Variants in COL4A4 observed in about 807,000 individuals in gnomAD.
The protein encoded by COL4A4 is collagen type IV alpha 4 chain.
COL4A4 carries 105 observed loss-of-function variants against 192.9 expected under a neutral mutation model. That is an observed-to-expected ratio of 0.54 (90% CI 0.46 to 0.64). The LOEUF is 0.64. Ranked by LOEUF, COL4A4 falls within the 30% of genes least tolerant of loss-of-function variation. The pLI, the probability that COL4A4 is intolerant of heterozygous loss-of-function variation, is 0.00. For synonymous variants in COL4A4, 762 were observed against 769.9 expected, an observed-to-expected ratio of 0.99 and a Z score of 0.17; for missense variants, 1,967 against 2,169.3, an observed-to-expected ratio of 0.91 and a Z score of 1.85.
chr2:226,970,965 C>T, the COL4A4 span, among the ~76,000 whole-genome samples: 65,582 of 152,066 alleles, frequency 0.43, 14,236 homozygotes, highest in South Asian at 0.52. Context: ...CTATCTGTCC[C>T]ACAGATCCCG....
intron 2 of COL4A4, among the ~76,000 whole-genome samples, chr2:227,146,892 C>T (rs2063584455): frequency 6.6e-6 from 1 of 152,164 alleles, no homozygotes; most frequent in African/African-American, 2.4e-5. Context: ...TTATATTGGG[C>T]CCATCCAGAT....
chr2:226,999,827 C>G (rs1330638342), downstream of COL4A4, among the ~76,000 whole-genome samples: 1 of 152,204 alleles, frequency 6.6e-6, no homozygotes, highest in African/African-American at 2.4e-5. Context: ...GGATGCGAAA[C>G]TGGATCCCTT....
At chr2:227,096,234 G>A (rs1020724967) in intron 19 of COL4A4, among the ~76,000 whole-genome samples, 1 of 152,138 alleles carries the variant, frequency 6.6e-6, no homozygotes, top group Non-Finnish European at 1.5e-5. Context: ...CCTTAGTACA[G>A]AGCCCACCCA....
intron 44 of COL4A4, among the ~76,000 whole-genome samples, chr2:227,013,331 T>G (rs1297615817): frequency 6.6e-6 from 1 of 152,182 alleles, no homozygotes; most frequent in Non-Finnish European, 1.5e-5. Flanking sequence ...GGCTGATTTG[T>G]GTACCCCCAA....
intron 3 of COL4A4, among the ~76,000 whole-genome samples, chr2:227,141,938 A>G (rs777945982): frequency 6.6e-6 from 1 of 152,156 alleles, no homozygotes; most frequent in Non-Finnish European, 1.5e-5. Flanking sequence ...TATCAAAACA[A>G]CTAGAGGAAA....
chr2:227,044,343 A>T (rs1972015903), intron 35 of COL4A4, among the ~76,000 whole-genome samples: 1 of 152,224 alleles, frequency 6.6e-6, no homozygotes, highest in African/African-American at 2.4e-5. Flanking sequence ...TATGAGTTTA[A>T]TGCACGTTTA....
chr2:227,094,737 C>T (rs2060120552), intron 19 of COL4A4, among the ~76,000 whole-genome samples: 3 of 152,250 alleles, frequency 2.0e-5, no homozygotes, highest in East Asian at 1.9e-4. Context: ...ACTATGTAGA[C>T]GTGACAAATA....
the COL4A4 span, chr2:226,995,485 TGAG>T: frequency 1.2e-5 from 20 of 1,613,192 alleles, no homozygotes; most frequent in Non-Finnish European, 1.4e-5. Context: ...CCAGAAGAAA[TGAG>T]GAGACAGCGG....
chr2:227,021,989 A>G, intron 44 of COL4A4, 59 bp downstream of exon 44: 6 of 1,574,542 alleles, frequency 3.8e-6, no homozygotes, highest in Non-Finnish European at 5.2e-6. Flanking sequence ...TAAAAGATCT[A>G]GAATTTCATT....
chr2:227,059,772 C>T (rs572258150), intron 27 of COL4A4, 149 bp from the exon 28 acceptor site: 2 of 708,894 alleles, frequency 2.8e-6, no homozygotes, highest in South Asian at 1.8e-5. Context: ...TGTTGTTTTG[C>T]CACCTTTTGT....
rs139670695 is a variant in COL4A4, at chr2:227,019,603, C to T, written c.4216+2445G>A. On this transcript the variant is annotated intron_variant, in intron 44 of 47. Coordinates refer to ENST00000396625, the MANE Select transcript of COL4A4 (RefSeq NM_000092.5). ...CTGGGGTCCTAGCAGTCCTGTAGTT[C>T]TCCACACTGGAATTAACCTCTCACC... 2.6e-5 allele frequency among the ~76,000 whole-genome samples: 4 copies of T among 152,322 alleles called. No homozygotes were observed. In the East Asian group the frequency reaches 7.7e-4, roughly 29 times the overall value.
intron 41 of COL4A4, among the ~76,000 whole-genome samples, chr2:227,028,587 CAT>C (rs1335719747): frequency 6.6e-6 from 1 of 151,856 alleles, no homozygotes; most frequent in Non-Finnish European, 1.5e-5. Flanking sequence ...TTTAAACTGA[CAT>C]ATCCTTTCAT....
At chr2:227,131,260 A>G (rs1297352211) in intron 4 of COL4A4, among the ~76,000 whole-genome samples, 1 of 151,504 alleles carries the variant, frequency 6.6e-6, no homozygotes, top group African/African-American at 2.4e-5. Flanking sequence ...GGTTCAAGCA[A>G]TTCTCTGCCT....
chr2:227,058,305 A>G (rs928631376), intron 28 of COL4A4, among the ~76,000 whole-genome samples: 2 of 152,102 alleles, frequency 1.3e-5, no homozygotes, highest in Non-Finnish European at 2.9e-5. Flanking sequence ...TGTTCTTTCC[A>G]ATTATTCCTC....
rs1368000780 is a variant in COL4A4, at chr2:227,100,832, TCTCA to T, written c.1029+668_1029+671del. The stretch of plus-strand genomic sequence containing the variant: ...TCTTTTTTTTTTTTTTGAGATGGAG[TCTCA>T]CTCTGTTGCCCAGGATGGAGTGCAG... On this transcript the variant is annotated intron_variant, in intron 17 of 47. Coordinates refer to ENST00000396625, the MANE Select transcript of COL4A4 (RefSeq NM_000092.5). Among the ~76,000 whole-genome samples the T allele has an allele frequency of 2.0e-5, 3 of 148,912 alleles. No individual in the cohort carries two copies. The East Asian group carries it at 5.9e-4, about 29-fold the overall frequency.
At chr2:227,027,846 G>T in intron 42 of COL4A4, 56 bp downstream of exon 42, 1 of 1,209,542 alleles carries the variant, frequency 8.3e-7, no homozygotes, top group South Asian at 1.2e-5. Flanking sequence ...CTTTCTGAAC[G>T]ATGATCATTT....
chr2:227,150,326 T>C (rs1215862618), intron 1 of COL4A4, among the ~76,000 whole-genome samples: 1 of 152,102 alleles, frequency 6.6e-6, no homozygotes, highest in East Asian at 1.9e-4. Flanking sequence ...AATTAATATT[T>C]TCATTGTGCA....
At chr2:227,023,983 T>A (rs1359750644) in intron 43 of COL4A4, among the ~76,000 whole-genome samples, 3 of 149,142 alleles carry the variant, frequency 2.0e-5, no homozygotes, top group African/African-American at 7.5e-5. Context: ...TCCAGCCTGG[T>A]GACAGAGCAA....
chr2:226,988,745 G>A, the COL4A4 span: 1 of 907,154 alleles, frequency 1.1e-6, no homozygotes, highest in African/African-American at 1.8e-5. Context: ...GAGATAGAAC[G>A]AGCATAGAGA....
Sources: gnomAD v4.1 joint callset for allele counts (sites outside exome capture counted in the v4.1 genomes callset) on GRCh38, gnomAD v4.1.1 for gene constraint, MANE v1.5 for transcripts, NCBI Gene and HGNC (gene_info 2026-07-23, HGNC 2026-07-21) for gene names.